Variants in TNR observed in about 807,000 individuals in gnomAD.
TNR encodes the protein tenascin R.
Under a neutral mutation model 150.4 loss-of-function variants are expected in TNR, and 45 were observed. That is an observed-to-expected ratio of 0.30 (90% CI 0.24 to 0.38). TNR has a LOEUF of 0.38. TNR is among the 10% of genes least tolerant of loss of function. The pLI is 1.00. For synonymous variants in TNR, 687 were observed against 678.4 expected, an observed-to-expected ratio of 1.01 and a Z score of -0.20; for missense variants, 1,544 against 1,759.1, an observed-to-expected ratio of 0.88 and a Z score of 2.19.
chr1:175,333,087 ATAC>A (rs1490016202), intron 20 of TNR, among the ~76,000 whole-genome samples: 7 of 152,258 alleles, frequency 4.6e-5, no homozygotes, highest in African/African-American at 1.7e-4. Context: ...TCCATTTTTA[ATAC>A]CACCACCACT....
intron 1 of TNR, among the ~76,000 whole-genome samples, chr1:175,571,533 C>A (rs1355158017): frequency 6.6e-6 from 1 of 152,224 alleles, no homozygotes; most frequent in African/African-American, 2.4e-5. Flanking sequence ...ATACTGCTAA[C>A]CTGTATGCTA....
intron 2 of TNR, among the ~76,000 whole-genome samples, chr1:175,471,284 C>T (rs1018105222): frequency 6.6e-6 from 1 of 152,180 alleles, no homozygotes; most frequent in Non-Finnish European, 1.5e-5. Flanking sequence ...CCAGTGATCA[C>T]GTCAGTCTGT....
At chr1:175,695,162 T>C (rs1298797728) in intron 1 of TNR, among the ~76,000 whole-genome samples, 1 of 152,162 alleles carries the variant, frequency 6.6e-6, no homozygotes, top group Admixed American at 6.5e-5. Flanking sequence ...ATAAAAGGAA[T>C]TAGGGCTTCC....
chr1:175,539,202 G>T (rs532197640), intron 1 of TNR: 1 of 152,232 alleles, frequency 6.6e-6, no homozygotes, highest in East Asian at 1.9e-4. Flanking sequence ...CCCAGGAAAA[G>T]AAAAGGAAAA....
intron 1 of TNR, among the ~76,000 whole-genome samples, chr1:175,704,277 A>T (rs919630564): frequency 3.3e-5 from 5 of 152,258 alleles, no homozygotes; most frequent in Admixed American, 6.5e-5. Flanking sequence ...GTACCATAAC[A>T]TGTGACAAGA....
chr1:175,733,481 A>G (rs1042712171), intron 1 of TNR, among the ~76,000 whole-genome samples: 4 of 152,080 alleles, frequency 2.6e-5, no homozygotes, highest in African/African-American at 7.2e-5. Context: ...GGGGGCTTTC[A>G]TCCCTTTCCC....
intron 9 of TNR, among the ~76,000 whole-genome samples, chr1:175,378,412 T>C (rs958656884): frequency 6.6e-6 from 1 of 152,032 alleles, no homozygotes; most frequent in Non-Finnish European, 1.5e-5. Flanking sequence ...AGGTGTAGGG[T>C]GGAGACTGAC....
chr1:175,501,643 A>T (rs1658744215), intron 2 of TNR, among the ~76,000 whole-genome samples: 1 of 152,262 alleles, frequency 6.6e-6, no homozygotes, highest in African/African-American at 2.4e-5. Flanking sequence ...AAATACGGCC[A>T]GCTAAAGACA....
chr1:175,391,665 A>G (rs1653176348), intron 6 of TNR, among the ~76,000 whole-genome samples: 1 of 152,186 alleles, frequency 6.6e-6, no homozygotes. Context: ...TGGAGGATCA[A>G]TTTTTAAGAA....
At chr1:175,735,669 G>A (rs1477041882) in intron 1 of TNR, among the ~76,000 whole-genome samples, 2 of 152,150 alleles carry the variant, frequency 1.3e-5, no homozygotes, top group African/African-American at 4.8e-5. Flanking sequence ...AGCCCAGCCA[G>A]GAGGTGGTTG....
chr1:175,639,618 C>A (rs532364669), intron 1 of TNR, among the ~76,000 whole-genome samples: 1 of 152,280 alleles, frequency 6.6e-6, no homozygotes, highest in East Asian at 1.9e-4. Context: ...GCTCAAAAAC[C>A]TTTAGTGTCT....
chr1:175,403,496 C>A lies in TNR; in HGVS notation c.620G>T (p.Gly207Val), dbSNP rs1224453001. 1 of 1,614,234 alleles carries A rather than the reference C, an allele frequency of 6.2e-7. No individual in the cohort carries two copies. The highest frequency in any genetic ancestry group is 8.5e-7 in the Non-Finnish European group (1 of 1,180,046). Residue 207 changes from glycine to valine, a missense_variant, in exon 4 of 23, where the codon GGT becomes GTT. By Grantham distance (109) the Gly-to-Val change is moderately radical. This residue lies in a region of TNR where 1,254 missense variants were observed against 1,329.4 expected (regional missense o/e 0.94). Transcript: ENST00000367674. ...KNCSEPYCPL[G>V]CSSRGVCVDG... is the part of the protein sequence containing the mutation. Reference sequence around the variant, plus strand: ...CACACACACCCCCCGGCTGGAGCAACCCAGCGGGCAGTAGGGCTCCGAGCA... The same window carrying A: ...CACACACACCCCCCGGCTGGAGCAAACCAGCGGGCAGTAGGGCTCCGAGCA...
chr1:175,641,258 T>A (rs1664648593), intron 1 of TNR, among the ~76,000 whole-genome samples: 1 of 151,974 alleles, frequency 6.6e-6, no homozygotes, highest in Non-Finnish European at 1.5e-5. Flanking sequence ...AATTTCAAGC[T>A]TTTTACCAGC....
chr1:175,628,751 A>G (rs1664234712), intron 1 of TNR, among the ~76,000 whole-genome samples: 1 of 152,080 alleles, frequency 6.6e-6, no homozygotes, highest in Non-Finnish European at 1.5e-5. Context: ...AGCACTTTGC[A>G]AGTTGGCCCA....
intron 1 of TNR, among the ~76,000 whole-genome samples, chr1:175,535,601 T>G (rs904132834): frequency 6.6e-6 from 1 of 151,308 alleles, no homozygotes; most frequent in African/African-American, 2.4e-5. Flanking sequence ...GCTGGGACTA[T>G]AGGCACTCGC....
intron 2 of TNR, among the ~76,000 whole-genome samples, chr1:175,427,671 T>G (rs1655055262): frequency 1.1e-5 from 1 of 89,844 alleles, no homozygotes; most frequent in South Asian, 4.1e-4. Context: ...CCTTCCTTCC[T>G]TCCTTCCTTC....
chr1:175,692,198 T>C (rs1666387728), intron 1 of TNR, among the ~76,000 whole-genome samples: 1 of 152,156 alleles, frequency 6.6e-6, no homozygotes, highest in African/African-American at 2.4e-5. Context: ...GGCAGACACA[T>C]GCAAGAAGAG....
chr1:175,554,339 CAA>C (rs5778860), intron 1 of TNR, among the ~76,000 whole-genome samples: 29,006 of 115,178 alleles, frequency 0.25, 2,936 homozygotes, highest in Non-Finnish European at 0.29. Flanking sequence ...TCCTACATGG[CAA>C]AAAAAAAAAA....
At chr1:175,626,052 C>T (rs2101868991) in intron 1 of TNR, among the ~76,000 whole-genome samples, 1 of 152,220 alleles carries the variant, frequency 6.6e-6, no homozygotes, top group African/African-American at 2.4e-5. Flanking sequence ...GTCTGATGGG[C>T]TTATCAGGGG....
Sources: gnomAD v4.1 joint callset for allele counts (sites outside exome capture counted in the v4.1 genomes callset) on GRCh38, gnomAD v4.1.1 for gene constraint, gnomAD v4.1.1 regional missense constraint, MANE v1.5 for transcripts, NCBI Gene and HGNC (gene_info 2026-07-23, HGNC 2026-07-21) for gene names.